The following ZNF26 variants were observed in gnomAD, a reference collection of about 807,000 sequenced individuals.
ZNF26 encodes the protein zinc finger protein 26, also known as epididymis luminal protein 179.
A neutral mutation model predicts 54.9 loss-of-function variants in ZNF26; 32 were observed. That is an observed-to-expected ratio of 0.58 (90% CI 0.44 to 0.78). The LOEUF (loss-of-function observed/expected upper bound fraction) is 0.78. ZNF26 is among the 30% of genes least tolerant of loss of function. The pLI, the probability that ZNF26 is intolerant of heterozygous loss-of-function variation, is 0.00. For synonymous variants in ZNF26, 221 were observed against 209.2 expected, an observed-to-expected ratio of 1.06 and a Z score of -0.49; for missense variants, 524 against 634.0, an observed-to-expected ratio of 0.83 and a Z score of 1.86.
chr12:133,007,435 A>G lies in ZNF26; in HGVS notation c.161-2A>G. The G allele has an allele frequency of 6.2e-7, 1 of 1,611,338 alleles. No individual in the cohort carries two copies. The highest frequency in any genetic ancestry group is 1.1e-5 in the South Asian group (1 of 90,698). On this transcript the variant is annotated splice_acceptor_variant, in intron 2 of 3. Transcript: ENST00000328654. LOFTEE classifies it high-confidence loss of function. ...CCACCCTTTGTGATTTCCCATCAAC[A>G]GGGTATCATGGTACCAAGCCTGACT... is the stretch of plus-strand genomic sequence containing the variant.
At chr12:132,988,961 T>G (rs1952887569) in intron 1 of ZNF26, among the ~76,000 whole-genome samples, 1 of 152,110 alleles carries the variant, frequency 6.6e-6, no homozygotes, top group Non-Finnish European at 1.5e-5. Flanking sequence ...AGGGGTTGAC[T>G]TTTGTATATT....
Position 133,016,905 on chromosome 12 carries a change from C to T in ZNF26, c.*5424C>T, listed in dbSNP as rs1953574757. On this transcript the variant is annotated 3_prime_UTR_variant, in exon 4 of 4. Coordinates refer to ENST00000328654, the MANE Select transcript of ZNF26 (RefSeq NM_019591.4). ...ATTTTATCATTGAGTTGCCCTTTTCCAATTTTACATGCTTAGGTTGACTTC... is the reference window on the plus strand; with the variant it reads ...ATTTTATCATTGAGTTGCCCTTTTCTAATTTTACATGCTTAGGTTGACTTC... The T allele has an allele frequency of 6.6e-6, 1 of 152,034 alleles. No homozygotes were observed. 9.4% of individuals were successfully genotyped at this position (152,034 alleles called of 1,614,324 possible). A position where few individuals can be genotyped will look rare whatever the true frequency, so the allele number is the denominator to read the frequency against.
At chr12:132,995,592 A>G (rs1291477279) in intron 1 of ZNF26, among the ~76,000 whole-genome samples, 2 of 152,008 alleles carry the variant, frequency 1.3e-5, no homozygotes, top group Non-Finnish European at 2.9e-5. Flanking sequence ...CTCATGTCTC[A>G]AAGTTTTTAA....
intron 1 of ZNF26, among the ~76,000 whole-genome samples, chr12:133,000,132 C>A (rs1953178368): frequency 6.6e-6 from 1 of 152,078 alleles, no homozygotes; most frequent in Non-Finnish European, 1.5e-5. Context: ...AATTTTAAAT[C>A]TCTTAAGAGT....
At chr12:132,998,157 C>CTT (rs1345207217) in intron 1 of ZNF26, among the ~76,000 whole-genome samples, 4 of 141,892 alleles carry the variant, frequency 2.8e-5, no homozygotes, top group Non-Finnish European at 6.2e-5. Flanking sequence ...TTTGCTGGAG[C>CTT]TTTTTTTTTT....
chr12:132,995,815 A>T (rs1313754847), intron 1 of ZNF26, among the ~76,000 whole-genome samples: 1 of 152,012 alleles, frequency 6.6e-6, no homozygotes, highest in Non-Finnish European at 1.5e-5. Context: ...CCATGCCTGG[A>T]TAATTTTTGT....
At chr12:132,990,692 G>C (rs1952929876) in intron 1 of ZNF26, among the ~76,000 whole-genome samples, 1 of 152,102 alleles carries the variant, frequency 6.6e-6, no homozygotes, top group Non-Finnish European at 1.5e-5. Flanking sequence ...GGCACTTTCT[G>C]GTTTGGGTGA....
chr12:133,008,086 C>T (rs1191192802), intron 3 of ZNF26, among the ~76,000 whole-genome samples: 6 of 152,054 alleles, frequency 3.9e-5, no homozygotes, highest in Non-Finnish European at 7.4e-5. Context: ...AAGGCTCTTC[C>T]GTTCCGAAGG....
Position 133,011,555 on chromosome 12 carries a change from G to T in ZNF26, c.*74G>T. On this transcript the variant is annotated 3_prime_UTR_variant, in exon 4 of 4. Coordinates refer to ENST00000328654, the MANE Select transcript of ZNF26 (RefSeq NM_019591.4). ...ATAATATAGACAGGATTTACAAGCA[G>T]GAGGCCCTAAAATTACACTCATGTC... The T allele has an allele frequency of 3.5e-6, 5 of 1,428,088 alleles. No homozygotes were observed. The South Asian group carries it at 5.0e-5, about 14-fold the overall frequency. 88.5% of individuals were successfully genotyped at this position (1,428,088 alleles called of 1,614,324 possible). A position where few individuals can be genotyped will look rare whatever the true frequency, so the allele number is the denominator to read the frequency against.
Position 132,986,625 on chromosome 12 carries a change from C to A in ZNF26, c.-216C>A. 3.4e-6 allele frequency: 2 copies of A among 594,560 alleles called. No individual in the cohort carries two copies. The highest frequency in any genetic ancestry group is 4.5e-4 in the Middle Eastern group (1 of 2,240). The allele number at this position is 594,560 out of a possible 1,614,324, so 36.8% of individuals were successfully genotyped here. A position where few individuals can be genotyped will look rare whatever the true frequency, so the allele number is the denominator to read the frequency against. On this transcript the variant is annotated 5_prime_UTR_variant, in exon 1 of 4. Coordinates refer to ENST00000328654, the MANE Select transcript of ZNF26 (RefSeq NM_019591.4). Reference sequence around the variant, plus strand: ...GAAAGGCACAAATCCATCCGTGCGACTCCTGGTACCCAGACCGGGAGGTTG... The same window carrying A: ...GAAAGGCACAAATCCATCCGTGCGAATCCTGGTACCCAGACCGGGAGGTTG...
At position 133,021,876 on chromosome 12, in the gene ZNF26, A is replaced by G. The variant is rs1055405361; in HGVS notation, c.*10395A>G. On this transcript the variant is annotated 3_prime_UTR_variant, in exon 4 of 4. Transcript: ENST00000328654. ...AATTCATTATCATTGTGTAAATTCT[A>G]TATTACTTTTTAAACTTTCATGTTT... The G allele has an allele frequency of 6.6e-6, 1 of 152,328 alleles. No homozygotes were observed. Among genetic ancestry groups the G allele is most frequent in the South Asian group, 2.1e-4 (1 of 4,824 alleles). The allele number at this position is 152,328 out of a possible 1,614,324, so 9.4% of individuals were successfully genotyped here.
intron 1 of ZNF26, among the ~76,000 whole-genome samples, chr12:133,002,727 G>A (rs925490668): frequency 6.6e-6 from 1 of 151,928 alleles, no homozygotes; most frequent in African/African-American, 2.4e-5. Context: ...GGGTTCAAGC[G>A]ATTCTCCTGT....
At chr12:133,008,504 C>T (rs960446518) in intron 3 of ZNF26, among the ~76,000 whole-genome samples, 18 of 152,198 alleles carry the variant, frequency 1.2e-4, no homozygotes, top group African/African-American at 3.9e-4. Context: ...TGGCTGGGCA[C>T]GGTGGCTCAT....
chr12:132,992,818 C>T (rs944713407), intron 1 of ZNF26, among the ~76,000 whole-genome samples: 2 of 146,182 alleles, frequency 1.4e-5, no homozygotes, highest in Non-Finnish European at 1.5e-5. Context: ...CGGGTATTTC[C>T]ATTGTGCATA....
At position 133,015,367 on chromosome 12, in the gene ZNF26, A is replaced by AG. The variant is rs1167717219; in HGVS notation, c.*3886_*3887insG. On this transcript the variant is annotated 3_prime_UTR_variant, in exon 4 of 4. Coordinates refer to ENST00000328654, the MANE Select transcript of ZNF26 (RefSeq NM_019591.4). ...AGACTCTGTCTCAAAAAAAAAAAAAAAAAGAAAAGAAAATGACAAACACAT... is the reference window on the plus strand; with the variant it reads ...AGACTCTGTCTCAAAAAAAAAAAAAAGAAAGAAAAGAAAATGACAAACACAT... 1 of 144,512 alleles carries AG rather than the reference A, an allele frequency of 6.9e-6. No individual in the cohort carries two copies. The highest frequency in any genetic ancestry group is 1.5e-5 in the Non-Finnish European group (1 of 68,348). 9.0% of individuals were successfully genotyped at this position (144,512 alleles called of 1,614,324 possible).
At chr12:132,997,396 A>G (rs1953110983) in intron 1 of ZNF26, among the ~76,000 whole-genome samples, 1 of 152,186 alleles carries the variant, frequency 6.6e-6, no homozygotes, top group Non-Finnish European at 1.5e-5. Context: ...TTAGCTTCCA[A>G]GATGGAGTCC....
intron 1 of ZNF26, among the ~76,000 whole-genome samples, chr12:132,998,550 CTG>C (rs1280475553): frequency 2.6e-5 from 4 of 152,184 alleles, no homozygotes; most frequent in Admixed American, 2.6e-4. Context: ...TGCTGCTCGA[CTG>C]TGCTTGTAAC....
chr12:132,991,646 C>T (rs377230740), intron 1 of ZNF26, among the ~76,000 whole-genome samples: 1 of 25,424 alleles, frequency 3.9e-5, no homozygotes, highest in Non-Finnish European at 1.5e-4. Flanking sequence ...AAAAAAAAAC[C>T]TAAAAAAAAA....
At position 133,010,887 on chromosome 12, in the gene ZNF26, T is replaced by C; in HGVS notation, c.1008T>C (p.His336=). Residue 336 remains histidine, a synonymous_variant, in exon 4 of 4, where the codon CAT becomes CAC. Coordinates refer to ENST00000328654, the MANE Select transcript of ZNF26 (RefSeq NM_019591.4). ...ATCTCCTTGTTCACATCCGAATGCATACAGGAGAAAAACCCTATCAATGCA... is the reference window on the plus strand; with the variant it reads ...ATCTCCTTGTTCACATCCGAATGCACACAGGAGAAAAACCCTATCAATGCA... ...KSYLLVHIRM[H]TGEKPYQCSD... 2 of 1,613,732 alleles carry C rather than the reference T, an allele frequency of 1.2e-6. No homozygotes were observed. The highest frequency in any genetic ancestry group is 1.7e-5 in the Admixed American group (1 of 59,978).
Sources: gnomAD v4.1 joint callset for allele counts (sites outside exome capture counted in the v4.1 genomes callset) on GRCh38, gnomAD v4.1.1 for gene constraint, MANE v1.5 for transcripts, NCBI Gene and HGNC (gene_info 2026-07-23, HGNC 2026-07-21) for gene names.